The following HPSE2 variants were observed in gnomAD, a reference collection of about 807,000 sequenced individuals.
The protein encoded by HPSE2 is heparanase 2 (inactive), also known as inactive heparanase-2.
Under a neutral mutation model 60.5 loss-of-function variants are expected in HPSE2, and 38 were observed. The ratio of observed to expected loss-of-function variants is 0.63; its 90% CI spans 0.48 to 0.82. The LOEUF (loss-of-function observed/expected upper bound fraction) is 0.82, where lower values mean the gene tolerates loss of function less well. HPSE2 is among the 40% of genes least tolerant of loss of function. HPSE2 has a pLI of 0.00. For missense variants in HPSE2, 713 were observed against 740.4 expected (o/e 0.96, Z 0.43); for synonymous variants, 295 against 293.2 (o/e 1.01, Z -0.06).
chr10:99,252,736 G>A, the HPSE2 span, among the ~76,000 whole-genome samples: 1 of 152,044 alleles, frequency 6.6e-6, no homozygotes, highest in Non-Finnish European at 1.5e-5. Flanking sequence ...AATTAGCTGG[G>A]CGTGGTGGCG....
At chr10:98,724,616 T>C (rs1949021047) in intron 4 of HPSE2, among the ~76,000 whole-genome samples, 1 of 152,142 alleles carries the variant, frequency 6.6e-6, no homozygotes, top group Admixed American at 6.5e-5. Context: ...TCTTTGTAGG[T>C]CACTAAGGAC....
chr10:99,000,522 T>A lies in HPSE2; in HGVS notation c.610+143716A>T, dbSNP rs188348180. 4.6e-5 allele frequency among the ~76,000 whole-genome samples: 7 copies of A among 152,108 alleles called. No individual in the cohort carries two copies. In the East Asian group the frequency reaches 1.4e-3, roughly 29 times the overall value. On this transcript the variant is annotated intron_variant, in intron 3 of 11. Coordinates refer to ENST00000370552, the MANE Select transcript of HPSE2 (RefSeq NM_021828.5). ...CAGGGTGCAAGAACAAAACAAAGCA[T>A]ACACTCAGAGGTGCAAAACAGTATC...
At chr10:98,641,286 T>A (rs1371767239) in intron 7 of HPSE2, among the ~76,000 whole-genome samples, 1 of 152,136 alleles carries the variant, frequency 6.6e-6, no homozygotes, top group East Asian at 1.9e-4. Flanking sequence ...ATACTTCATA[T>A]TAAAATAGAC....
intron 3 of HPSE2, among the ~76,000 whole-genome samples, chr10:99,131,491 G>GTA (rs113767647): frequency 8.7e-4 from 131 of 151,112 alleles, no homozygotes; most frequent in East Asian, 2.9e-3. Flanking sequence ...TTATATATGT[G>GTA]TATATATATA....
At chr10:99,221,450 A>G (rs564386569) in intron 2 of HPSE2, among the ~76,000 whole-genome samples, 44 of 152,350 alleles carry the variant, frequency 2.9e-4, no homozygotes, top group South Asian at 6.2e-4. Flanking sequence ...CCAAGTTTAC[A>G]TGAACATTCA....
the HPSE2 span, among the ~76,000 whole-genome samples, chr10:99,307,292 T>G: frequency 2.9e-4 from 44 of 152,368 alleles, no homozygotes; most frequent in South Asian, 8.3e-4. Context: ...AGGATTTATC[T>G]GTGTGTTTTA....
chr10:98,979,223 T>C (rs1370826196), intron 3 of HPSE2, among the ~76,000 whole-genome samples: 1 of 152,124 alleles, frequency 6.6e-6, no homozygotes, highest in Admixed American at 6.5e-5. Flanking sequence ...AGGGTACTGC[T>C]GGCCATGAAT....
At chr10:98,503,996 A>G (rs1425965127) in intron 9 of HPSE2, among the ~76,000 whole-genome samples, 1 of 152,184 alleles carries the variant, frequency 6.6e-6, no homozygotes, top group Non-Finnish European at 1.5e-5. Flanking sequence ...CCTTTACCCC[A>G]ATAACTTATG....
intron 9 of HPSE2, among the ~76,000 whole-genome samples, chr10:98,550,964 C>A (rs1943847098): frequency 6.6e-6 from 1 of 152,108 alleles, no homozygotes; most frequent in African/African-American, 2.4e-5. Flanking sequence ...TATGGTTGAG[C>A]CTTCCATAAC....
At chr10:98,656,675 T>C (rs1947073932) in intron 6 of HPSE2, among the ~76,000 whole-genome samples, 1 of 152,182 alleles carries the variant, frequency 6.6e-6, no homozygotes, top group South Asian at 2.1e-4. Context: ...ACACTAGATT[T>C]TGTTTTCCAC....
intron 9 of HPSE2, among the ~76,000 whole-genome samples, chr10:98,511,934 C>T (rs770913760): frequency 4.6e-5 from 7 of 152,166 alleles, no homozygotes; most frequent in Non-Finnish European, 5.9e-5. Context: ...CTTCCTGAAG[C>T]CTGTTGTGTG....
At chr10:99,015,505 C>T (rs1379579574) in intron 3 of HPSE2, among the ~76,000 whole-genome samples, 4 of 152,150 alleles carry the variant, frequency 2.6e-5, no homozygotes, top group African/African-American at 2.4e-5. Flanking sequence ...ATAATGAGTT[C>T]GTGTCCTTTG....
chr10:99,191,107 G>C (rs1036790400), intron 2 of HPSE2, among the ~76,000 whole-genome samples: 4 of 151,914 alleles, frequency 2.6e-5, no homozygotes, highest in Non-Finnish European at 4.4e-5. Flanking sequence ...CTCAGCAGCA[G>C]TGGAATAGAG....
chr10:99,103,053 T>C (rs1210389061), intron 3 of HPSE2, among the ~76,000 whole-genome samples: 3 of 152,154 alleles, frequency 2.0e-5, no homozygotes, highest in South Asian at 2.1e-4. Context: ...ACTGGAAGCA[T>C]TCCCTTTGAA....
At chr10:99,052,661 C>T (rs1958017536) in intron 3 of HPSE2, among the ~76,000 whole-genome samples, 1 of 151,980 alleles carries the variant, frequency 6.6e-6, no homozygotes, top group Non-Finnish European at 1.5e-5. Flanking sequence ...ATCTTGACAG[C>T]AGCCAGAGCA....
rs543725369 is a variant in HPSE2 at position 98,471,146 on chromosome 10, A to T, written c.1614-11407T>A. ...ATGTTCACACCTTTGGCAAAATGGCATAGCGCCTGAATGAAGAATCTAATC... is the reference window on the plus strand; with the variant it reads ...ATGTTCACACCTTTGGCAAAATGGCTTAGCGCCTGAATGAAGAATCTAATC... On this transcript the variant is annotated intron_variant, in intron 11 of 11. Coordinates refer to ENST00000370552, the MANE Select transcript of HPSE2 (RefSeq NM_021828.5). Among the ~76,000 whole-genome samples the T allele has an allele frequency of 3.2e-4, 48 of 152,346 alleles. 2 individuals are homozygous for T. The South Asian group carries it at 9.3e-3, about 30-fold the overall frequency.
chr10:99,073,887 AT>A (rs1310583291), intron 3 of HPSE2, among the ~76,000 whole-genome samples: 1 of 147,382 alleles, frequency 6.8e-6, no homozygotes, highest in Non-Finnish European at 1.5e-5. Context: ...TGACTTTTAT[AT>A]GTTGATTTTG....
At chr10:98,927,890 A>C (rs1954522733) in intron 3 of HPSE2, among the ~76,000 whole-genome samples, 5 of 150,206 alleles carry the variant, frequency 3.3e-5, no homozygotes, top group Admixed American at 2.6e-4. Context: ...AAACCCTAGA[A>C]GAAAATCTAG....
intron 3 of HPSE2, among the ~76,000 whole-genome samples, chr10:98,950,586 T>C (rs1955328006): frequency 6.6e-6 from 1 of 152,194 alleles, no homozygotes; most frequent in South Asian, 2.1e-4. Context: ...ACCATCTCTG[T>C]GGCTGCACCA....
Sources: gnomAD v4.1 joint callset for allele counts (sites outside exome capture counted in the v4.1 genomes callset) on GRCh38, gnomAD v4.1.1 for gene constraint, MANE v1.5 for transcripts, NCBI Gene and HGNC (gene_info 2026-07-23, HGNC 2026-07-21) for gene names.